Variants in RBMS3 observed in about 807,000 individuals in gnomAD.
RBMS3 encodes RNA-binding motif, single-stranded-interacting protein 3.
In RBMS3, 27 loss-of-function variants were observed where a neutral mutation model predicts 66.8. That is an observed-to-expected ratio of 0.40 (90% confidence interval 0.30 to 0.56). RBMS3 has a LOEUF of 0.56. Among genes scored for constraint, RBMS3 ranks in the 20% least tolerant of loss-of-function variants. The pLI, the probability that RBMS3 is intolerant of heterozygous loss-of-function variation, is 0.40. For synonymous variants in RBMS3, 188 were observed against 183.0 expected (o/e 1.03, Z -0.22); for missense variants, 513 against 549.5 (o/e 0.93, Z 0.66).
At chr3:29,924,849 A>G (rs1196841167) in intron 10 of RBMS3, 1 of 151,550 alleles carries the variant, frequency 6.6e-6, no homozygotes, top group African/African-American at 2.5e-5. Context: ...AAAAAAAGAA[A>G]AAAAAAAAAA....
intron 7 of RBMS3, among the ~76,000 whole-genome samples, chr3:29,872,690 C>G (rs1428825961): frequency 6.6e-6 from 1 of 152,134 alleles, no homozygotes; most frequent in African/African-American, 2.4e-5. Context: ...ACTCCACTTC[C>G]CCTTCCTCCC....
At chr3:29,795,643 A>G (rs568394141) in intron 6 of RBMS3, among the ~76,000 whole-genome samples, 1 of 152,358 alleles carries the variant, frequency 6.6e-6, no homozygotes, top group East Asian at 1.9e-4. Context: ...ATTCTAATCC[A>G]TAATACAGAA....
In RBMS3 at chr3:29,382,813, G is replaced by T. The variant is rs562209697; in HGVS notation, c.76-51930G>T. On this transcript the variant is annotated intron_variant, in intron 1 of 14. Transcript: ENST00000383767. ...TTACAGTTTTAATATAGAATCCAGAGATGAGACATCCTGGATTTGTTATTT... is the reference window on the plus strand; with the variant it reads ...TTACAGTTTTAATATAGAATCCAGATATGAGACATCCTGGATTTGTTATTT... 2.0e-5 allele frequency among the ~76,000 whole-genome samples: 3 copies of T among 150,540 alleles called. No individual in the cohort carries two copies. In the South Asian group the frequency reaches 6.3e-4, roughly 32 times the overall value.
intron 1 of RBMS3, among the ~76,000 whole-genome samples, chr3:29,359,572 G>A (rs1488223590): frequency 2.0e-5 from 3 of 152,148 alleles, no homozygotes; most frequent in Admixed American, 1.3e-4. Flanking sequence ...AAGTGAGTTA[G>A]GGAGGATTCC....
chr3:29,718,089 G>A (rs1042647598), intron 4 of RBMS3, among the ~76,000 whole-genome samples: 1 of 151,932 alleles, frequency 6.6e-6, no homozygotes, highest in Non-Finnish European at 1.5e-5. Context: ...GAGATTAAAG[G>A]ATCCCTTTTT....
intron 12 of RBMS3, among the ~76,000 whole-genome samples, chr3:29,965,644 A>G (rs1006858516): frequency 6.6e-6 from 1 of 151,992 alleles, no homozygotes; most frequent in African/African-American, 2.4e-5. Context: ...TGTCAGATGT[A>G]TAGATTGTGA....
chr3:29,972,254 A>T (rs1321691693), intron 12 of RBMS3, among the ~76,000 whole-genome samples: 3 of 151,598 alleles, frequency 2.0e-5, no homozygotes, highest in Non-Finnish European at 4.4e-5. Context: ...GCTTGCAGAG[A>T]CTTTTTCATT....
At chr3:29,426,669 C>G (rs1198086101) in intron 1 of RBMS3, among the ~76,000 whole-genome samples, 1 of 152,152 alleles carries the variant, frequency 6.6e-6, no homozygotes, top group Non-Finnish European at 1.5e-5. Flanking sequence ...AAATGGCAAA[C>G]CACGGTTCTA....
At chr3:29,684,813 CACAG>C (rs1553642153) in intron 4 of RBMS3, among the ~76,000 whole-genome samples, 3 of 144,878 alleles carry the variant, frequency 2.1e-5, no homozygotes, top group Admixed American at 6.9e-5. Context: ...CACACACACA[CACAG>C]ACACATACAC....
intron 4 of RBMS3, among the ~76,000 whole-genome samples, chr3:29,697,672 A>C (rs772083418): frequency 2.6e-5 from 4 of 152,234 alleles, no homozygotes; most frequent in Non-Finnish European, 5.9e-5. Context: ...ACCCATGTCT[A>C]AACACAGAGT....
Position 29,711,235 on chromosome 3 carries a change from A to G in RBMS3, c.400-28485A>G, listed in dbSNP as rs540474053. Among the ~76,000 whole-genome samples the G allele has an allele frequency of 2.6e-5, 4 of 152,342 alleles. No homozygotes were observed. In the East Asian group the frequency reaches 7.7e-4, roughly 29 times the overall value. The stretch of plus-strand genomic sequence containing the variant: ...TCCCTCTCTCAAAAGGTCTTATTGT[A>G]CTGTACCTTAGGTAACTGAAACTGT... On this transcript the variant is annotated intron_variant, in intron 4 of 14. Coordinates refer to ENST00000383767, the MANE Select transcript of RBMS3 (RefSeq NM_001003793.3).
At chr3:29,520,014 A>G (rs892149350) in intron 3 of RBMS3, among the ~76,000 whole-genome samples, 1 of 152,168 alleles carries the variant, frequency 6.6e-6, no homozygotes, top group African/African-American at 2.4e-5. Flanking sequence ...ACATGCAGGT[A>G]TTATTCATTG....
At chr3:29,315,449 C>T (rs566264996) in intron 1 of RBMS3, among the ~76,000 whole-genome samples, 2 of 151,898 alleles carry the variant, frequency 1.3e-5, no homozygotes, top group East Asian at 1.9e-4. Context: ...TTCATGTACA[C>T]ACATACATAT....
At chr3:29,831,489 C>T (rs2058368656) in intron 6 of RBMS3, among the ~76,000 whole-genome samples, 1 of 151,862 alleles carries the variant, frequency 6.6e-6, no homozygotes. Flanking sequence ...ACCCATAATT[C>T]AAGATAAATG....
intron 12 of RBMS3, among the ~76,000 whole-genome samples, chr3:29,985,859 A>G (rs1394260057): frequency 6.6e-6 from 1 of 152,178 alleles, no homozygotes; most frequent in Non-Finnish European, 1.5e-5. Flanking sequence ...TTTGGCAAGG[A>G]AAGTCTAAAT....
At chr3:29,364,844 A>C (rs529047060) in intron 1 of RBMS3, among the ~76,000 whole-genome samples, 2 of 152,126 alleles carry the variant, frequency 1.3e-5, no homozygotes, top group Non-Finnish European at 2.9e-5. Flanking sequence ...TGAAGTATTG[A>C]GATTTTTATT....
rs571305895 is a variant in RBMS3, at chr3:29,407,608, G to A, written c.76-27135G>A. ...CTTAATATAGAAAGCTGTTTTCAGG[G>A]CCCAACCATTTAGCCAGGTACTTAA... On this transcript the variant is annotated intron_variant, in intron 1 of 14. Coordinates refer to ENST00000383767, the MANE Select transcript of RBMS3 (RefSeq NM_001003793.3). 5.9e-5 allele frequency among the ~76,000 whole-genome samples: 9 copies of A among 152,222 alleles called. No homozygotes were observed. The South Asian group carries it at 1.7e-3, about 28-fold the overall frequency.
chr3:29,655,218 C>T (rs2050284802), intron 4 of RBMS3, among the ~76,000 whole-genome samples: 2 of 152,120 alleles, frequency 1.3e-5, no homozygotes, highest in South Asian at 2.1e-4. Flanking sequence ...CTTGTGAATA[C>T]TAAGTGGCAT....
intron 10 of RBMS3, among the ~76,000 whole-genome samples, chr3:29,935,067 A>G (rs1227210761): frequency 2.0e-5 from 3 of 152,140 alleles, no homozygotes; most frequent in African/African-American, 7.2e-5. Flanking sequence ...GTTATAAAAT[A>G]TGTTTCTACT....
Sources: gnomAD v4.1 joint callset for allele counts (sites outside exome capture counted in the v4.1 genomes callset) on GRCh38, gnomAD v4.1.1 for gene constraint, MANE v1.5 for transcripts, NCBI Gene and HGNC (gene_info 2026-07-23, HGNC 2026-07-21) for gene names.